Variants in LMCD1 observed in about 807,000 individuals in gnomAD.
The protein encoded by LMCD1 is LIM and cysteine-rich domains protein 1.
Under a neutral mutation model 42.7 loss-of-function variants are expected in LMCD1, and 32 were observed. The observed-to-expected ratio is 0.75, with a 90% confidence interval of 0.57 to 1.01. LMCD1 has a LOEUF of 1.01. Among genes scored for constraint, LMCD1 ranks in the 50% least tolerant of loss-of-function variants. The pLI is 0.00. For missense variants in LMCD1, 458 were observed against 483.1 expected, an observed-to-expected ratio of 0.95 and a Z score of 0.49; for synonymous variants, 178 against 184.9, an observed-to-expected ratio of 0.96 and a Z score of 0.30.
chr3:8,542,856 A>G (rs966787403), intron 3 of LMCD1, among the ~76,000 whole-genome samples: 2 of 152,200 alleles, frequency 1.3e-5, no homozygotes, highest in African/African-American at 4.8e-5. Flanking sequence ...TGTGAGAATT[A>G]AATGGGTTAA....
chr3:8,538,896 A>C (rs2125025964), intron 3 of LMCD1, among the ~76,000 whole-genome samples: 1 of 152,348 alleles, frequency 6.6e-6, no homozygotes, highest in South Asian at 2.1e-4. Flanking sequence ...TTTAGGCCAG[A>C]GATGCTCTAA....
At chr3:8,547,947 G>A (rs564668133) in intron 3 of LMCD1, among the ~76,000 whole-genome samples, 4 of 152,136 alleles carry the variant, frequency 2.6e-5, no homozygotes, top group Non-Finnish European at 4.4e-5. Context: ...TACGCATCTA[G>A]GCTACGCAGT....
intron 1 of LMCD1, among the ~76,000 whole-genome samples, chr3:8,504,192 T>C (rs572281985): frequency 4.6e-5 from 7 of 152,220 alleles, no homozygotes; most frequent in African/African-American, 1.4e-4. Context: ...CAACTCAAAA[T>C]GTGGAGGGGA....
At chr3:8,547,930 AG>A (rs1694769083) in intron 3 of LMCD1, among the ~76,000 whole-genome samples, 1 of 152,184 alleles carries the variant, frequency 6.6e-6, no homozygotes, top group Non-Finnish European at 1.5e-5. Flanking sequence ...TAGATGGTGT[AG>A]CCTGCTACGC....
Position 8,548,736 on chromosome 3 carries a change from G to T in LMCD1, c.556G>T (p.Val186Phe), listed in dbSNP as rs1450558480. 3 of 1,614,178 alleles carry T rather than the reference G, an allele frequency of 1.9e-6. No individual in the cohort carries two copies. The change falls in exon 4 of 6, where the codon GTC (valine) becomes TTC (phenylalanine). Residue 186 changes from valine to phenylalanine, a missense_variant. Val to Phe is a conservative substitution (Grantham distance 50). Coordinates refer to ENST00000157600, the MANE Select transcript of LMCD1 (RefSeq NM_014583.4). ...ENELKLMEEF[V>F]KQYKSEALGV... ...TGAGTTGAAACTGATGGAAGAATTT[G>T]TCAAGCAATATAAGAGCGAGGCCCT...
intron 4 of LMCD1, among the ~76,000 whole-genome samples, chr3:8,553,063 C>T (rs900639816): frequency 9.2e-5 from 14 of 152,140 alleles, no homozygotes; most frequent in African/African-American, 2.7e-4. Context: ...ACTGCATAAC[C>T]CTCCCTGTTC....
chr3:8,555,593 G>A (rs1694920535), intron 4 of LMCD1, among the ~76,000 whole-genome samples: 1 of 152,082 alleles, frequency 6.6e-6, no homozygotes. Flanking sequence ...TTGCTTTGCA[G>A]TGGAGATACT....
chr3:8,548,758 C>T lies in LMCD1; in HGVS notation c.578C>T (p.Ala193Val). 4 of 1,613,496 alleles carry T rather than the reference C, an allele frequency of 2.5e-6. No individual in the cohort carries two copies. The highest frequency in any genetic ancestry group is 3.4e-6 in the Non-Finnish European group (4 of 1,179,510). Reference protein sequence around the residue: ...EEFVKQYKSEALGVGEVALPG... With the variant: ...EEFVKQYKSEVLGVGEVALPG... Reference sequence around the variant, plus strand: ...TTTGTCAAGCAATATAAGAGCGAGGCCCTCGGCGTGGGAGAAGTGGCCCTC... The same window carrying T: ...TTTGTCAAGCAATATAAGAGCGAGGTCCTCGGCGTGGGAGAAGTGGCCCTC... Residue 193 changes from alanine (A) to valine (V), a missense_variant, in exon 4 of 6, where the codon GCC (alanine) becomes GTC (valine). Coordinates refer to ENST00000157600, the MANE Select transcript of LMCD1 (RefSeq NM_014583.4).
At position 8,569,542 on chromosome 3, in the gene LMCD1, A is replaced by C. The variant is rs1477479588; in HGVS notation, c.*1944A>C. 1 of 152,152 alleles carries C rather than the reference A, an allele frequency of 6.6e-6. No homozygotes were observed. The highest frequency in any genetic ancestry group is 1.5e-5 in the Non-Finnish European group (1 of 68,036). 9.4% of individuals were successfully genotyped at this position (152,152 alleles called of 1,614,324 possible). A position where few individuals can be genotyped will look rare whatever the true frequency, so the allele number is the denominator to read the frequency against. ...CCATAGATGTTACGGTCTGTGGGGG[A>C]GATGGGCCTCAAGCAAATATTCTCA... On this transcript the variant is annotated 3_prime_UTR_variant, in exon 6 of 6. Coordinates refer to ENST00000157600, the MANE Select transcript of LMCD1 (RefSeq NM_014583.4).
At chr3:8,513,613 A>C (rs1694042462) in intron 1 of LMCD1, among the ~76,000 whole-genome samples, 2 of 152,160 alleles carry the variant, frequency 1.3e-5, no homozygotes, top group Admixed American at 6.5e-5. Flanking sequence ...TCAAAGAAAA[A>C]AGGGAGGGAT....
chr3:8,513,367 G>A (rs910663722), intron 1 of LMCD1, among the ~76,000 whole-genome samples: 1 of 152,122 alleles, frequency 6.6e-6, no homozygotes, highest in Non-Finnish European at 1.5e-5. Context: ...TGTTACTTGT[G>A]CCAGCTCCTC....
intron 3 of LMCD1, among the ~76,000 whole-genome samples, chr3:8,546,416 G>A (rs1279275887): frequency 6.6e-6 from 1 of 152,168 alleles, no homozygotes; most frequent in Non-Finnish European, 1.5e-5. Context: ...AGGCGCTGTG[G>A]TTCTTTTAAG....
At chr3:8,543,342 T>C (rs961653104) in intron 3 of LMCD1, among the ~76,000 whole-genome samples, 4 of 151,882 alleles carry the variant, frequency 2.6e-5, no homozygotes, top group Non-Finnish European at 5.9e-5. Context: ...GGGTATCCTG[T>C]GTCAGAGCCA....
chr3:8,543,586 G>A (rs546377320), intron 3 of LMCD1, among the ~76,000 whole-genome samples: 3 of 152,228 alleles, frequency 2.0e-5, no homozygotes, highest in East Asian at 1.9e-4. Context: ...GAGCTCAAGC[G>A]ATCCTCCCAC....
intron 4 of LMCD1, among the ~76,000 whole-genome samples, chr3:8,551,889 A>G (rs1018631620): frequency 6.6e-6 from 1 of 152,224 alleles, no homozygotes; most frequent in Non-Finnish European, 1.5e-5. Context: ...AGGAAGCCTG[A>G]CTTCTGCTCC....
intron 5 of LMCD1, 98 bp from the exon 6 acceptor site, chr3:8,567,342 G>T: frequency 8.1e-7 from 1 of 1,237,552 alleles, no homozygotes; most frequent in Non-Finnish European, 1.1e-6. Context: ...AACAAGAATA[G>T]GATGGGATGA....
In LMCD1 at chr3:8,510,925, C is replaced by T. The variant is rs570699453; in HGVS notation, c.42+8945C>T. On this transcript the variant is annotated intron_variant, in intron 1 of 5. Coordinates refer to ENST00000157600, the MANE Select transcript of LMCD1 (RefSeq NM_014583.4). ...CCACATCAAGCTGAGGCATTAGCAG[C>T]ATTACACGCCACACACACACAAATA... 7.2e-5 allele frequency among the ~76,000 whole-genome samples: 11 copies of T among 152,296 alleles called. No individual in the cohort carries two copies. In the South Asian group the frequency reaches 1.0e-3, roughly 14 times the overall value.
intron 3 of LMCD1, among the ~76,000 whole-genome samples, chr3:8,539,635 G>C (rs1181548148): frequency 2.0e-5 from 3 of 151,980 alleles, no homozygotes; most frequent in African/African-American, 7.3e-5. Context: ...ATTGACCCCA[G>C]ACTAATCAGG....
At chr3:8,533,609 A>G (rs773869262) in intron 2 of LMCD1, among the ~76,000 whole-genome samples, 2 of 152,244 alleles carry the variant, frequency 1.3e-5, no homozygotes, top group Non-Finnish European at 2.9e-5. Flanking sequence ...GTGTTTTCGC[A>G]GCAATACTGA....
Sources: allele counts gnomAD v4.1 joint callset (sites outside exome capture counted in the v4.1 genomes callset), GRCh38; gene constraint gnomAD v4.1.1; transcripts MANE v1.5; gene names NCBI Gene and HGNC (gene_info 2026-07-23, HGNC 2026-07-21).